Variants in ACE observed in about 807,000 individuals in gnomAD.
The protein encoded by ACE is angiotensin I converting enzyme.
A neutral mutation model predicts 162.3 loss-of-function variants in ACE; 122 were observed. The ratio of observed to expected loss-of-function variants is 0.75; its 90% CI spans 0.65 to 0.87. The LOEUF (loss-of-function observed/expected upper bound fraction) is 0.87, where lower values mean the gene tolerates loss of function less well. ACE is among the 40% of genes least tolerant of loss of function. ACE has a pLI of 0.00. For synonymous variants in ACE, 796 were observed against 720.6 expected, an observed-to-expected ratio of 1.10 and a Z score of -1.68; for missense variants, 1,799 against 1,735.1, an observed-to-expected ratio of 1.04 and a Z score of -0.65.
chr17:63,496,600 T>C, intron 23 of ACE, 84 bp downstream of exon 23: 1 of 1,609,526 alleles, frequency 6.2e-7, no homozygotes, highest in Non-Finnish European at 8.5e-7. Flanking sequence ...GGAGCTTTTG[T>C]GGGAACACTT....
At chr17:63,490,530 A>G in intron 17 of ACE, 1 of 260,612 alleles carries the variant, frequency 3.8e-6, no homozygotes, top group Non-Finnish European at 7.6e-6. Flanking sequence ...TTCCTTTACT[A>G]GCCAATGGGA....
chr17:63,477,446 C>A, intron 1 of ACE, 103 bp downstream of exon 1: 1 of 936,318 alleles, frequency 1.1e-6, no homozygotes, highest in Non-Finnish European at 1.3e-6. Context: ...CGACCCGAAC[C>A]CCACCCCGAC....
chr17:63,496,517 G>GT lies in ACE; in HGVS notation c.3503+2dup. On this transcript the variant is annotated splice_donor_variant, in intron 23 of 24. Coordinates refer to ENST00000290866, the MANE Select transcript of ACE (RefSeq NM_000789.4). LOFTEE classifies it high-confidence loss of function. ...CCAAGGAGGCCGGGCAGCGCCTGGC[G>GT]TGAGTGTCCTCCAGCCCTCCTTTGT... 6.2e-7 allele frequency: 1 copy of GT among 1,614,068 alleles called. No homozygotes were observed. Among genetic ancestry groups the GT allele is most frequent in the Non-Finnish European group, 8.5e-7 (1 of 1,180,048 alleles).
Position 63,498,075 on chromosome 17 carries a change from G to A in ACE, c.*709G>A, listed in dbSNP as rs112901380. The stretch of plus-strand genomic sequence containing the variant: ...CAGCCTAGTGCTTACCTTGGCTCCT[G>A]CCTGTACCAGCTCCATGACTCTGCT... On this transcript the variant is annotated 3_prime_UTR_variant, in exon 25 of 25. Transcript: ENST00000290866. 0.019 allele frequency: 2,777 copies of A among 146,446 alleles called. 45 individuals carry two copies. The highest frequency in any genetic ancestry group is 0.027 in the Middle Eastern group (8 of 296). 9.1% of individuals were successfully genotyped at this position (146,446 alleles called of 1,614,324 possible).
At chr17:63,487,124 G>T in intron 15 of ACE, 51 bp downstream of exon 15, 1 of 1,513,214 alleles carries the variant, frequency 6.6e-7, no homozygotes, top group South Asian at 1.1e-5. Context: ...GGACTGGCAT[G>T]GGGCCCGGGG....
At position 63,483,289 on chromosome 17, in the gene ACE, C is replaced by T. The variant is rs528860190; in HGVS notation, c.1487+116C>T. ...CTCTCCTCTCTAATGATGTCCCCCG[C>T]TGTGACCCACCGCCTTCTCCTTTCC... On this transcript the variant is annotated intron_variant, in intron 9 of 24. Transcript: ENST00000290866. The T allele has an allele frequency of 3.2e-6, 5 of 1,561,074 alleles. No individual in the cohort carries two copies. The South Asian group carries it at 4.5e-5, about 14-fold the overall frequency.
chr17:63,478,034 G>C lies in ACE; in HGVS notation c.353G>C (p.Arg118Pro), dbSNP rs773121538. 6.2e-7 allele frequency: 1 copy of C among 1,607,728 alleles called. No homozygotes were observed. The highest frequency in any genetic ancestry group is 8.5e-7 in the Non-Finnish European group (1 of 1,177,466). Residue 118 changes from arginine (R) to proline (P), a missense_variant, in exon 2 of 25, where the codon CGC (arginine) becomes CCC (proline). By Grantham distance (103) the Arg-to-Pro change is moderately radical. Coordinates refer to ENST00000290866, the MANE Select transcript of ACE (RefSeq NM_000789.4). ...IWQNFTDPQL[R>P]RIIGAVRTLG... The stretch of plus-strand genomic sequence containing the variant: ...CAGAACTTCACGGACCCGCAGCTGC[G>C]CAGGATCATCGGAGCTGTGCGCACC...
rs777911028 is a variant in ACE, at chr17:63,486,538, C to T, written c.2059-19C>T. Reference sequence around the variant, plus strand: ...CTGGAGCTCCTGGGCCCTGTGACACCATCCCCCTGTGCCCTCAGCTGCAGA... The same window carrying T: ...CTGGAGCTCCTGGGCCCTGTGACACTATCCCCCTGTGCCCTCAGCTGCAGA... On this transcript the variant is annotated intron_variant, in intron 13 of 24. Transcript: ENST00000290866. The T allele has an allele frequency of 2.5e-6, 4 of 1,613,692 alleles. No individual in the cohort carries two copies. The highest frequency in any genetic ancestry group is 2.7e-5 in the African/African-American group (2 of 74,932).
At chr17:63,493,346 C>T in intron 19 of ACE, 90 bp from the exon 20 acceptor site, 2 of 1,287,872 alleles carry the variant, frequency 1.6e-6, no homozygotes, top group Admixed American at 1.7e-5. Flanking sequence ...TGGGGTCTGC[C>T]CTGGGTATAG....
At position 63,497,956 on chromosome 17, in the gene ACE, CCA is replaced by C. The variant is rs202110175; in HGVS notation, c.*591_*592del. ...CTGCTCCACAAATGGCCAGGTCCCC[CCA>C]GGGGAAGGCTTCCGGCTGTTATCGG... On this transcript the variant is annotated 3_prime_UTR_variant, in exon 25 of 25. Transcript: ENST00000290866. 9.9e-3 allele frequency: 2,057 copies of C among 207,340 alleles called. 54 individuals are homozygous for C. Among genetic ancestry groups the C allele is most frequent in the African/African-American group, 0.045 (1,931 of 42,516 alleles). 12.8% of individuals were successfully genotyped at this position (207,340 alleles called of 1,614,324 possible). A position where few individuals can be genotyped will look rare whatever the true frequency, so the allele number is the denominator to read the frequency against.
chr17:63,496,311 G>A (rs945877979), intron 22 of ACE, 83 bp from the exon 23 acceptor site: 2 of 1,603,674 alleles, frequency 1.2e-6, no homozygotes, highest in East Asian at 2.2e-5. Context: ...CACATCACAT[G>A]TGATGTGCAG....
rs758483313 is a variant in ACE, at chr17:63,494,078, C to T, written c.3281+12C>T. The T allele has an allele frequency of 6.2e-7, 1 of 1,613,892 alleles. No homozygotes were observed. The highest frequency in any genetic ancestry group is 8.5e-7 in the Non-Finnish European group (1 of 1,180,024). On this transcript the variant is annotated intron_variant, in intron 21 of 24. Coordinates refer to ENST00000290866, the MANE Select transcript of ACE (RefSeq NM_000789.4). Reference sequence around the variant, plus strand: ...TGGTGGAGCCTCAGGTTCTGGAACACTCCCACGGGATGCGGGCTGGGGGAT... The same window carrying T: ...TGGTGGAGCCTCAGGTTCTGGAACATTCCCACGGGATGCGGGCTGGGGGAT...
At chr17:63,485,839 C>A (rs4325) in intron 13 of ACE, 85,546 of 215,088 alleles carry the variant, frequency 0.4, 19,422 homozygotes, top group East Asian at 0.65. Context: ...CTGAGCAATT[C>A]TTCTTTCCTT....
At chr17:63,478,124 C>G in intron 2 of ACE, 26 bp downstream of exon 2, 6 of 1,559,262 alleles carry the variant, frequency 3.8e-6, no homozygotes, top group Non-Finnish European at 5.2e-6. Context: ...AGGCAGAGCT[C>G]GGGGGCGGCC....
Position 63,484,809 on chromosome 17 carries a change from C to A in ACE, c.1921+268C>A, listed in dbSNP as rs191697444. 4 of 1,506,686 alleles carry A rather than the reference C, an allele frequency of 2.7e-6. No individual in the cohort carries two copies. Among genetic ancestry groups the A allele is most frequent in the Middle Eastern group, 1.7e-4 (1 of 5,802 alleles). The allele number at this position is 1,506,686 out of a possible 1,614,324, so 93.3% of individuals were successfully genotyped here. On this transcript the variant is annotated intron_variant, in intron 12 of 24. Coordinates refer to ENST00000290866, the MANE Select transcript of ACE (RefSeq NM_000789.4). The surrounding 1 kb of genome is among the most constrained non-coding windows in gnomAD (Gnocchi z 4.0). Reference sequence around the variant, plus strand: ...CACAAGGCTCTGTGAGGTCACACTGCGGGCTCCGCTCTTATTGGCCAGGGG... The same window carrying A: ...CACAAGGCTCTGTGAGGTCACACTGAGGGCTCCGCTCTTATTGGCCAGGGG...
chr17:63,482,173 C>T (rs191783388), intron 7 of ACE, among the ~76,000 whole-genome samples: 3 of 152,078 alleles, frequency 2.0e-5, no homozygotes, highest in African/African-American at 4.8e-5. Context: ...TGATGGCGGG[C>T]GCCTGTAATC....
chr17:63,494,085 G>C lies in ACE; in HGVS notation c.3281+19G>C. 1.2e-6 allele frequency: 2 copies of C among 1,613,596 alleles called. No individual in the cohort carries two copies. Among genetic ancestry groups the C allele is most frequent in the East Asian group, 2.2e-5 (1 of 44,872 alleles). ...GCCTCAGGTTCTGGAACACTCCCAC[G>C]GGATGCGGGCTGGGGGATCTCTGCG... On this transcript the variant is annotated intron_variant, in intron 21 of 24. Transcript: ENST00000290866.
Position 63,479,061 on chromosome 17 carries a change from C to G in ACE, c.472C>G (p.Leu158Val). ...SRIYSTAKVC[L>V]PNKTATCWSL... ...GATCTACTCCACCGCCAAGGTCTGC[C>G]TCCCCAACAAGACTGCCACCTGCTG... The change falls in exon 3 of 25, where the codon CTC becomes GTC. Residue 158 changes from leucine to valine, a missense_variant. Coordinates refer to ENST00000290866, the MANE Select transcript of ACE (RefSeq NM_000789.4). The G allele has an allele frequency of 6.2e-7, 1 of 1,613,744 alleles. No individual in the cohort carries two copies. The highest frequency in any genetic ancestry group is 8.5e-7 in the Non-Finnish European group (1 of 1,179,922).
rs767110259 is a variant in ACE at position 63,480,420 on chromosome 17, C to G, written c.739C>G (p.Leu247Val). Reference sequence around the variant, plus strand: ...CGATCTGGAACACCTCTACCAACAGCTAGAGCCCCTCTACCTGAACCTCCA... The same window carrying G: ...CGATCTGGAACACCTCTACCAACAGGTAGAGCCCCTCTACCTGAACCTCCA... ...EDDLEHLYQQ[L>V]EPLYLNLHAF... Residue 247 changes from leucine (L) to valine (V), a missense_variant, in exon 5 of 25, where the codon CTA becomes GTA. By Grantham distance (32) the Leu-to-Val change is conservative. Transcript: ENST00000290866. 1.9e-6 allele frequency: 3 copies of G among 1,614,130 alleles called. No homozygotes were observed. Among genetic ancestry groups the G allele is most frequent in the Non-Finnish European group, 2.5e-6 (3 of 1,179,992 alleles).
Sources: allele counts gnomAD v4.1 joint callset (sites outside exome capture counted in the v4.1 genomes callset), GRCh38; gene constraint gnomAD v4.1.1; non-coding constraint Gnocchi (gnomAD v3.1); transcripts MANE v1.5; gene names NCBI Gene and HGNC (gene_info 2026-07-23, HGNC 2026-07-21).